The following DENND2B variants were observed in gnomAD, a reference collection of about 807,000 sequenced individuals.
DENND2B encodes the protein DENN domain containing 2B.
In DENND2B, 32 loss-of-function variants were observed where a neutral mutation model predicts 116.0. The observed-to-expected ratio is 0.28, with a 90% CI of 0.21 to 0.37. DENND2B has a LOEUF of 0.37. DENND2B is among the 10% of genes least tolerant of loss of function. DENND2B has a pLI of 1.00. For synonymous variants in DENND2B, 588 were observed against 583.9 expected (o/e 1.01, Z -0.10); for missense variants, 1,276 against 1,477.7 (o/e 0.86, Z 2.24).
chr11:8,874,560 TCTAGCA>T (rs1238329821), upstream of DENND2B, among the ~76,000 whole-genome samples: 2 of 152,146 alleles, frequency 1.3e-5, no homozygotes, highest in Non-Finnish European at 2.9e-5. Flanking sequence ...GGTTTGCAGG[TCTAGCA>T]CTCACGAAAC....
At chr11:8,802,192 T>C (rs537952516) in intron 1 of DENND2B, among the ~76,000 whole-genome samples, 18 of 151,278 alleles carry the variant, frequency 1.2e-4, no homozygotes, top group African/African-American at 4.1e-4. Context: ...TCCCAGCTAC[T>C]TGGAAGGCTG....
intron 2 of DENND2B, among the ~76,000 whole-genome samples, chr11:8,746,086 C>T (rs994253190): frequency 1.3e-5 from 2 of 151,416 alleles, no homozygotes; most frequent in African/African-American, 2.4e-5. Flanking sequence ...GGAAGCATCT[C>T]GAGTAACAGG....
intron 3 of DENND2B, among the ~76,000 whole-genome samples, chr11:8,855,770 G>T (rs2653593): frequency 1.3e-5 from 2 of 151,764 alleles, no homozygotes; most frequent in African/African-American, 4.8e-5. Flanking sequence ...GCTAATTTTC[G>T]TTTGTCTCAA....
At chr11:8,861,733 T>A (rs1039281035) in intron 2 of DENND2B, among the ~76,000 whole-genome samples, 2 of 152,162 alleles carry the variant, frequency 1.3e-5, no homozygotes, top group Non-Finnish European at 2.9e-5. Context: ...TGCACAAATA[T>A]GTTTATCGCA....
intron 2 of DENND2B, among the ~76,000 whole-genome samples, chr11:8,865,021 C>A (rs192131124): frequency 6.6e-6 from 1 of 152,190 alleles, no homozygotes; most frequent in East Asian, 1.9e-4. Flanking sequence ...GACAAATTCC[C>A]AGCATATTCT....
At chr11:8,736,069 C>T (rs1173731323) in intron 2 of DENND2B, among the ~76,000 whole-genome samples, 1 of 152,228 alleles carries the variant, frequency 6.6e-6, no homozygotes, top group Non-Finnish European at 1.5e-5. Context: ...CAGTCTCTAG[C>T]TTCACTTCTT....
intron 4 of DENND2B, chr11:8,718,341 A>T (rs1489373024): frequency 4.6e-6 from 7 of 1,531,234 alleles, no homozygotes; most frequent in South Asian, 1.2e-5. Context: ...CTCTCAGGGG[A>T]TCTCCCTGGG....
At chr11:8,716,721 T>C (rs948527813) in intron 5 of DENND2B, among the ~76,000 whole-genome samples, 14 of 152,172 alleles carry the variant, frequency 9.2e-5, no homozygotes, top group East Asian at 3.9e-4. Flanking sequence ...GATCTTGGCT[T>C]ACTGCAACCT....
chr11:8,745,827 G>A (rs1055787910), intron 2 of DENND2B, among the ~76,000 whole-genome samples: 14 of 152,154 alleles, frequency 9.2e-5, no homozygotes, highest in Non-Finnish European at 1.6e-4. Flanking sequence ...CCAACTGACC[G>A]CCAGCATCAA....
chr11:8,801,994 GGAAAAA>G (rs1337137584), intron 1 of DENND2B, among the ~76,000 whole-genome samples: 15 of 121,118 alleles, frequency 1.2e-4, no homozygotes, highest in Admixed American at 2.6e-4. Flanking sequence ...CCTCTCTTGG[GGAAAAA>G]AAAAAAAAAA....
chr11:8,883,542 G>A (rs1363421467), intron 1 of DENND2B, among the ~76,000 whole-genome samples: 3 of 152,110 alleles, frequency 2.0e-5, no homozygotes, highest in African/African-American at 4.8e-5. Context: ...CTGATGCTAT[G>A]TTAAGATATA....
chr11:8,793,774 A>T (rs2059584441), intron 1 of DENND2B, among the ~76,000 whole-genome samples: 1 of 152,282 alleles, frequency 6.6e-6, no homozygotes, highest in African/African-American at 2.4e-5. Flanking sequence ...TTTTTGGGGA[A>T]TAATCAAACT....
intron 3 of DENND2B, among the ~76,000 whole-genome samples, chr11:8,856,166 T>C (rs1344952517): frequency 2.0e-5 from 3 of 152,216 alleles, no homozygotes; most frequent in Admixed American, 6.5e-5. Flanking sequence ...ATTAATAACA[T>C]TTGATGCAAT....
intron 1 of DENND2B, among the ~76,000 whole-genome samples, chr11:8,764,261 G>A (rs1346206998): frequency 6.6e-6 from 1 of 152,016 alleles, no homozygotes; most frequent in African/African-American, 2.4e-5. Context: ...AGAAGCAGTA[G>A]AGGGTAGAGG....
intron 1 of DENND2B, among the ~76,000 whole-genome samples, chr11:8,907,740 G>A (rs543650852): frequency 7.2e-5 from 11 of 151,958 alleles, no homozygotes; most frequent in East Asian, 3.9e-4. Context: ...CTGTTGCCCC[G>A]GCTGGAGGGC....
rs1233800296 is a variant in DENND2B, at chr11:8,771,380, CA to C, written c.-25-20656del. On this transcript the variant is annotated intron_variant, in intron 1 of 19. Coordinates refer to ENST00000313726, the MANE Select transcript of DENND2B (RefSeq NM_213618.2). The stretch of plus-strand genomic sequence containing the variant: ...TATACAATCTCACACTACCAGCATG[CA>C]GGGGCTGTGAGTGTGTGTGTGTGTG... Among the ~76,000 whole-genome samples, 7 of 151,992 alleles carry C rather than the reference CA, an allele frequency of 4.6e-5. No homozygotes were observed. The East Asian group carries it at 1.4e-3, about 29-fold the overall frequency.
chr11:8,890,084 C>G (rs948090074), intron 1 of DENND2B, among the ~76,000 whole-genome samples: 5 of 152,174 alleles, frequency 3.3e-5, no homozygotes, highest in Non-Finnish European at 7.3e-5. Flanking sequence ...TGCTGTTCAG[C>G]AATATTCACT....
chr11:8,699,935 T>TTGAATACCC (rs1362983091), intron 14 of DENND2B: 3 of 456,148 alleles, frequency 6.6e-6, no homozygotes, highest in Non-Finnish European at 1.3e-5. Flanking sequence ...TTGGCAGAAC[T>TTGAATACCC]TGAATACCCG....
chr11:8,900,355 C>A (rs562181784), intron 1 of DENND2B, among the ~76,000 whole-genome samples: 2 of 151,382 alleles, frequency 1.3e-5, no homozygotes, highest in African/African-American at 4.8e-5. Flanking sequence ...TGACATGAAC[C>A]CGGGAGGTGG....
Sources: allele counts gnomAD v4.1 joint callset (sites outside exome capture counted in the v4.1 genomes callset), GRCh38; gene constraint gnomAD v4.1.1; transcripts MANE v1.5; gene names NCBI Gene and HGNC (gene_info 2026-07-23, HGNC 2026-07-21).